The following RBPJ variants were observed in gnomAD, a reference collection of about 807,000 sequenced individuals.
RBPJ encodes the protein recombination signal binding protein for immunoglobulin kappa J region.
Under a neutral mutation model 67.8 loss-of-function variants are expected in RBPJ, and 9 were observed. The observed-to-expected ratio is 0.13, with a 90% CI of 0.08 to 0.23. The LOEUF (loss-of-function observed/expected upper bound fraction) is 0.23, where lower values mean the gene tolerates loss of function less well. Among genes scored for constraint, RBPJ ranks in the 10% least tolerant of loss-of-function variants. The probability of loss-of-function intolerance (pLI) is 1.00; values close to 1 mark genes in which losing one functional copy is unlikely to be tolerated. For missense variants in RBPJ, 305 were observed against 595.6 expected, an observed-to-expected ratio of 0.51 and a Z score of 5.08; for synonymous variants, 198 against 203.3, an observed-to-expected ratio of 0.97 and a Z score of 0.22.
chr4:26,264,755 C>T lies in RBPJ; in HGVS notation c.-166-97691C>T, dbSNP rs1347779691. On this transcript the variant is annotated intron_variant, in intron 1 of 4. Transcript: ENST00000512351. The surrounding 1 kb of genome is among the most constrained non-coding windows in gnomAD (Gnocchi z 4.1). Reference sequence around the variant, plus strand: ...TCACTTTCTTGGCCCCTCAAGATGACGTTGGTGCCCCTGCACTGTGCTCCC... The same window carrying T: ...TCACTTTCTTGGCCCCTCAAGATGATGTTGGTGCCCCTGCACTGTGCTCCC... Among the ~76,000 whole-genome samples the T allele has an allele frequency of 1.3e-5, 2 of 152,164 alleles. No individual in the cohort carries two copies. The highest frequency in any genetic ancestry group is 4.8e-5 in the African/African-American group (2 of 41,442).
At chr4:26,147,813 C>T in the RBPJ span, among the ~76,000 whole-genome samples, 1 of 152,040 alleles carries the variant, frequency 6.6e-6, no homozygotes, top group Non-Finnish European at 1.5e-5. Flanking sequence ...CATACAGATC[C>T]CAATTAGGAG....
chr4:26,221,154 G>A (rs896346029), intron 1 of RBPJ, among the ~76,000 whole-genome samples: 20 of 152,116 alleles, frequency 1.3e-4, no homozygotes, highest in Non-Finnish European at 1.8e-4. Flanking sequence ...GCGGTGGCGC[G>A]ATCTCGGCTC....
intron 1 of RBPJ, among the ~76,000 whole-genome samples, chr4:26,287,994 T>C (rs762405491): frequency 1.3e-5 from 2 of 152,240 alleles, no homozygotes; most frequent in Non-Finnish European, 2.9e-5. Context: ...TCCCACTCAA[T>C]GATCCTAAGA....
chr4:26,270,176 G>T (rs962484766), intron 1 of RBPJ, among the ~76,000 whole-genome samples: 7 of 151,052 alleles, frequency 4.6e-5, no homozygotes, highest in Admixed American at 2.7e-4. Context: ...CAGCTACTTG[G>T]GAGGCTGAGG....
the RBPJ span, among the ~76,000 whole-genome samples, chr4:26,124,462 A>G: frequency 9.3e-6 from 1 of 107,964 alleles, no homozygotes; most frequent in African/African-American, 3.5e-5. Context: ...ATATATATAT[A>G]CCAGTTTCTT....
intron 1 of RBPJ, among the ~76,000 whole-genome samples, chr4:26,174,671 T>C (rs1716732206): frequency 6.6e-6 from 1 of 152,164 alleles, no homozygotes; most frequent in Non-Finnish European, 1.5e-5. Context: ...GGTTTCACTA[T>C]GTTGGCAAGG....
chr4:26,249,297 T>C (rs1408294142), intron 1 of RBPJ, among the ~76,000 whole-genome samples: 1 of 152,176 alleles, frequency 6.6e-6, no homozygotes, highest in Non-Finnish European at 1.5e-5. Flanking sequence ...CTTTATATGC[T>C]ATGGTCTGAA....
chr4:26,377,910 CAT>C (rs1729920323), intron 1 of RBPJ, among the ~76,000 whole-genome samples: 1 of 152,140 alleles, frequency 6.6e-6, no homozygotes, highest in Non-Finnish European at 1.5e-5. Flanking sequence ...TTATATAATG[CAT>C]TTTAAAGCAA....
chr4:26,318,455 T>C (rs980290801), upstream of RBPJ, among the ~76,000 whole-genome samples: 1 of 152,104 alleles, frequency 6.6e-6, no homozygotes, highest in African/African-American at 2.4e-5. Context: ...AAATGGAATA[T>C]TGCAATAAAA....
At chr4:26,125,739 C>T in the RBPJ span, among the ~76,000 whole-genome samples, 2 of 151,298 alleles carry the variant, frequency 1.3e-5, no homozygotes, top group African/African-American at 4.9e-5. Flanking sequence ...GTGGAGGTTG[C>T]AGTGAGCCAA....
chr4:26,293,903 A>C (rs1328345530), intron 1 of RBPJ, among the ~76,000 whole-genome samples: 2 of 151,730 alleles, frequency 1.3e-5, no homozygotes, highest in Non-Finnish European at 2.9e-5. Flanking sequence ...GATTACAGGC[A>C]TGTGCCACCA....
intron 1 of RBPJ, among the ~76,000 whole-genome samples, chr4:26,226,100 G>A (rs112891272): frequency 2.6e-3 from 381 of 145,848 alleles, no homozygotes; most frequent in African/African-American, 9.5e-3. Flanking sequence ...AGTGAGCCAA[G>A]ATCATGCAAT....
At chr4:26,239,292 G>A (rs1452516654) in intron 1 of RBPJ, among the ~76,000 whole-genome samples, 1 of 152,190 alleles carries the variant, frequency 6.6e-6, no homozygotes, top group Non-Finnish European at 1.5e-5. Flanking sequence ...CCGCTGCCTG[G>A]AGCAGGTTTA....
the RBPJ span, among the ~76,000 whole-genome samples, chr4:26,126,235 G>A: frequency 6.6e-6 from 1 of 152,180 alleles, no homozygotes; most frequent in Non-Finnish European, 1.5e-5. Context: ...ATGAAAATTG[G>A]TAGTCCCTGC....
At chr4:26,223,043 T>C (rs1173988380) in intron 1 of RBPJ, among the ~76,000 whole-genome samples, 1 of 150,858 alleles carries the variant, frequency 6.6e-6, no homozygotes, top group Non-Finnish European at 1.5e-5. Context: ...TAATCCCAGC[T>C]ACTCAGGAGG....
chr4:26,316,470 C>CATTCATATATAT (rs1722625939), upstream of RBPJ, among the ~76,000 whole-genome samples: 1 of 121,502 alleles, frequency 8.2e-6, no homozygotes, highest in Non-Finnish European at 1.7e-5. Flanking sequence ...TTCATATATA[C>CATTCATATATAT]ATTCATATAT....
intron 1 of RBPJ, among the ~76,000 whole-genome samples, chr4:26,275,932 A>T (rs1417127535): frequency 1.3e-5 from 2 of 150,350 alleles, no homozygotes; most frequent in African/African-American, 4.9e-5. Flanking sequence ...GGCCCAAATC[A>T]TAGTTTTTAT....
At chr4:26,134,047 C>A in the RBPJ span, among the ~76,000 whole-genome samples, 1 of 152,098 alleles carries the variant, frequency 6.6e-6, no homozygotes, top group Non-Finnish European at 1.5e-5. Flanking sequence ...TTATGAGTAA[C>A]CTACCTGGTA....
At chr4:26,414,626 A>C (rs1734376886) in intron 3 of RBPJ, among the ~76,000 whole-genome samples, 1 of 152,210 alleles carries the variant, frequency 6.6e-6, no homozygotes, top group South Asian at 2.1e-4. Context: ...GTGAATTTAC[A>C]CCCTATATAA....
Sources: gnomAD v4.1 joint callset for allele counts (sites outside exome capture counted in the v4.1 genomes callset) on GRCh38, gnomAD v4.1.1 for gene constraint, Gnocchi (gnomAD v3.1) non-coding constraint, MANE v1.5 for transcripts, NCBI Gene and HGNC (gene_info 2026-07-23, HGNC 2026-07-21) for gene names.